Variants in ASZ1 observed in about 807,000 individuals in gnomAD.
ASZ1 encodes ankyrin repeat, SAM and basic leucine zipper domain-containing protein 1.
A neutral mutation model predicts 61.8 loss-of-function variants in ASZ1; 67 were observed. The observed-to-expected ratio is 1.08, with a 90% CI of 0.89 to 1.33. The LOEUF (loss-of-function observed/expected upper bound fraction) is 1.33. Ranked by LOEUF, ASZ1 falls within the 40% of genes most tolerant of loss-of-function variation. The pLI is 0.00. For synonymous variants in ASZ1, 193 were observed against 192.7 expected, an observed-to-expected ratio of 1.00 and a Z score of -0.01; for missense variants, 577 against 554.5, an observed-to-expected ratio of 1.04 and a Z score of -0.41.
Position 117,384,699 on chromosome 7 carries a change from A to C in ASZ1, c.687+27T>G, listed in dbSNP as rs1345541597. Reference sequence around the variant, plus strand: ...ATGATAATGTGATATGCCACAGAAAATAAGTTTAATATGTACAGAAGGATA... The same window carrying C: ...ATGATAATGTGATATGCCACAGAAACTAAGTTTAATATGTACAGAAGGATA... On this transcript the variant is annotated intron_variant, in intron 6 of 12. Transcript: ENST00000284629. 5 of 1,583,594 alleles carry C rather than the reference A, an allele frequency of 3.2e-6. No homozygotes were observed. In the African/African-American group the frequency reaches 6.9e-5, roughly 22 times the overall value.
At chr7:117,414,955 G>A (rs1015032075) in intron 4 of ASZ1, among the ~76,000 whole-genome samples, 3 of 118,380 alleles carry the variant, frequency 2.5e-5, no homozygotes, top group African/African-American at 6.3e-5. Context: ...GTGTGCACAT[G>A]TCTTTATAGC....
At chr7:117,369,215 T>C (rs1257766860) in intron 10 of ASZ1, among the ~76,000 whole-genome samples, 1 of 152,032 alleles carries the variant, frequency 6.6e-6, no homozygotes, top group African/African-American at 2.4e-5. Context: ...GAGTCTGTGG[T>C]TGAAGAAAAA....
chr7:117,386,649 T>A, intron 4 of ASZ1, among the ~76,000 whole-genome samples: 1 of 152,096 alleles, frequency 6.6e-6, no homozygotes, highest in East Asian at 1.9e-4. Flanking sequence ...AAAAGAAAAA[T>A]AAATAATTTC....
chr7:117,420,133 T>G lies in ASZ1; in HGVS notation c.440+30A>C, dbSNP rs539084454. On this transcript the variant is annotated intron_variant, in intron 4 of 12. Transcript: ENST00000284629. ...ACCAAAGAAAAATTCTAATTTGACT[T>G]GAATTTTGAACAGATATAAAGGCTC... 7 of 1,510,370 alleles carry G rather than the reference T, an allele frequency of 4.6e-6. No homozygotes were observed. The South Asian group carries it at 7.2e-5, about 16-fold the overall frequency. 93.6% of individuals were successfully genotyped at this position (1,510,370 alleles called of 1,614,324 possible). A position where few individuals can be genotyped will look rare whatever the true frequency, so the allele number is the denominator to read the frequency against.
At chr7:117,393,374 CTTT>C (rs1796510587) in intron 4 of ASZ1, among the ~76,000 whole-genome samples, 1 of 151,780 alleles carries the variant, frequency 6.6e-6, no homozygotes. Flanking sequence ...TTTTTTATTC[CTTT>C]TTTTAGTTCT....
chr7:117,368,382 T>C (rs1419942572), intron 11 of ASZ1: 4 of 1,168,404 alleles, frequency 3.4e-6, no homozygotes, highest in Non-Finnish European at 3.1e-6. Context: ...ATCAGTTTAA[T>C]TTTTGGTCTG....
At position 117,422,404 on chromosome 7, in the gene ASZ1, G is replaced by A. The variant is rs1380378039; in HGVS notation, c.206-45C>T. The A allele has an allele frequency of 3.8e-6, 6 of 1,589,568 alleles. No homozygotes were observed. In the South Asian group the frequency reaches 5.7e-5, roughly 15 times the overall value. Reference sequence around the variant, plus strand: ...CTTTTAAAAGCACACTACCACCAAAGAAAAAAATCAGTCACCTTATATGCT... The same window carrying A: ...CTTTTAAAAGCACACTACCACCAAAAAAAAAAATCAGTCACCTTATATGCT... On this transcript the variant is annotated intron_variant, in intron 2 of 12. Coordinates refer to ENST00000284629, the MANE Select transcript of ASZ1 (RefSeq NM_130768.3).
intron 4 of ASZ1, among the ~76,000 whole-genome samples, chr7:117,416,502 T>A (rs1349041538): frequency 6.6e-6 from 1 of 152,202 alleles, no homozygotes; most frequent in Non-Finnish European, 1.5e-5. Context: ...TGGATGAGTC[T>A]TAAAATTTAT....
At chr7:117,397,999 T>C (rs1562854251) in intron 4 of ASZ1, among the ~76,000 whole-genome samples, 4 of 152,252 alleles carry the variant, frequency 2.6e-5, no homozygotes, top group Admixed American at 1.3e-4. Context: ...AAAAGGGTAC[T>C]TAAACCCCAG....
chr7:117,384,863 G>A lies in ASZ1; in HGVS notation c.553-3C>T, dbSNP rs1584725059. On this transcript the variant is annotated splice_region_variant and splice_polypyrimidine_tract_variant and intron_variant, in intron 5 of 12. Transcript: ENST00000284629. ...TGACGTGCTGCCCACGTTAAAGCCT[G>A]TAAGTAGGGGGAAAAGAAGATTGTT... is the stretch of plus-strand genomic sequence containing the variant. 1.3e-6 allele frequency: 2 copies of A among 1,565,876 alleles called. No individual in the cohort carries two copies. Among genetic ancestry groups the A allele is most frequent in the Admixed American group, 2.0e-5 (1 of 49,448 alleles).
chr7:117,401,816 G>A (rs1315394875), intron 4 of ASZ1, among the ~76,000 whole-genome samples: 1 of 152,034 alleles, frequency 6.6e-6, no homozygotes, highest in Non-Finnish European at 1.5e-5. Flanking sequence ...GAATCTTCGG[G>A]TTGGCCACTC....
chr7:117,420,200 G>A lies in ASZ1; in HGVS notation c.403C>T (p.Leu135=), dbSNP rs748631774. 17 of 1,611,380 alleles carry A rather than the reference G, an allele frequency of 1.1e-5. No homozygotes were observed. Among genetic ancestry groups the A allele is most frequent in the Non-Finnish European group, 1.3e-5 (15 of 1,179,138 alleles). ...TTTGGATCAGCATTTCTTGAAAGTA[G>A]TAGTTCTACACACTTCAAGATCTGT... ...EEQILKCVEL[L]LSRNADPNVA... Residue 135 remains leucine (L), a synonymous_variant, in exon 4 of 13, where the codon CTA becomes TTA. Coordinates refer to ENST00000284629, the MANE Select transcript of ASZ1 (RefSeq NM_130768.3).
intron 2 of ASZ1, among the ~76,000 whole-genome samples, chr7:117,426,441 A>G (rs1367277318): frequency 7.2e-6 from 1 of 139,836 alleles, no homozygotes; most frequent in East Asian, 2.2e-4. Context: ...GTGAGCCAAG[A>G]TCGCGCCACT....
At chr7:117,401,588 C>T (rs1210329464) in intron 4 of ASZ1, among the ~76,000 whole-genome samples, 2 of 152,120 alleles carry the variant, frequency 1.3e-5, no homozygotes, top group East Asian at 1.9e-4. Context: ...TTACTGAGAA[C>T]TTACAGGGCA....
intron 3 of ASZ1, among the ~76,000 whole-genome samples, chr7:117,420,667 C>T (rs1797083826): frequency 6.6e-6 from 1 of 152,168 alleles, no homozygotes; most frequent in South Asian, 2.1e-4. Flanking sequence ...CATTTGAAAA[C>T]TCCTGAAATC....
intron 4 of ASZ1, among the ~76,000 whole-genome samples, chr7:117,393,196 A>T (rs1796506482): frequency 6.6e-6 from 1 of 152,158 alleles, no homozygotes; most frequent in Non-Finnish European, 1.5e-5. Flanking sequence ...TGTGGTCTAC[A>T]ACATAACTTC....
chr7:117,384,624 C>A (rs757125049), intron 6 of ASZ1, 102 bp downstream of exon 6: 4 of 1,314,882 alleles, frequency 3.0e-6, no homozygotes, highest in Non-Finnish European at 3.1e-6. Flanking sequence ...TTGCCAGATA[C>A]ACTATAATTA....
At chr7:117,364,956 C>T (rs1054321711) in intron 12 of ASZ1, among the ~76,000 whole-genome samples, 4 of 151,624 alleles carry the variant, frequency 2.6e-5, no homozygotes, top group African/African-American at 9.8e-5. Flanking sequence ...TGACCTCTCC[C>T]ACCCTCTCTC....
chr7:117,427,048 T>C (rs1797234527), intron 1 of ASZ1, 113 bp from the exon 2 acceptor site: 1 of 1,117,998 alleles, frequency 8.9e-7, no homozygotes, highest in Non-Finnish European at 1.3e-6. Flanking sequence ...GGCTTTATTT[T>C]GACTAAGATA....
Sources: gnomAD v4.1 joint callset for allele counts (sites outside exome capture counted in the v4.1 genomes callset) on GRCh38, gnomAD v4.1.1 for gene constraint, MANE v1.5 for transcripts, NCBI Gene and HGNC (gene_info 2026-07-23, HGNC 2026-07-21) for gene names.